ANKRD30A: variants seen among roughly 807,000 people sequenced by gnomAD.
ANKRD30A encodes the protein ankyrin repeat domain-containing protein 30A.
A neutral mutation model predicts 166.3 loss-of-function variants in ANKRD30A; 170 were observed. That is an observed-to-expected ratio of 1.02 (90% CI 0.90 to 1.16). The LOEUF (loss-of-function observed/expected upper bound fraction) is 1.16. Among genes scored for constraint, ANKRD30A ranks in the 50% most tolerant of loss-of-function variants. The pLI is 0.00. For missense variants in ANKRD30A, 1,630 were observed against 1,518.0 expected (o/e 1.07, Z -1.23); for synonymous variants, 564 against 508.9 (o/e 1.11, Z -1.46).
chr10:37,249,293 A>T, the ANKRD30A span, among the ~76,000 whole-genome samples: 5 of 152,186 alleles, frequency 3.3e-5, no homozygotes, highest in Admixed American at 6.5e-5. Context: ...TAATTCTATT[A>T]GTCCTTGTTG....
the ANKRD30A span, among the ~76,000 whole-genome samples, chr10:37,239,157 T>A: frequency 6.6e-6 from 1 of 152,138 alleles, no homozygotes; most frequent in Admixed American, 6.6e-5. Flanking sequence ...ACACATTTCA[T>A]AATTAAGTAG....
the ANKRD30A span, among the ~76,000 whole-genome samples, chr10:37,259,013 T>C: frequency 6.7e-6 from 1 of 150,168 alleles, no homozygotes; most frequent in South Asian, 2.1e-4. Context: ...AGAGAGTATC[T>C]TTATGACACT....
At chr10:37,205,694 T>A (rs1441586922) in intron 31 of ANKRD30A, among the ~76,000 whole-genome samples, 1 of 152,200 alleles carries the variant, frequency 6.6e-6, no homozygotes, top group Non-Finnish European at 1.5e-5. Context: ...TATCTATTAT[T>A]GGTGAATATA....
At chr10:37,256,745 G>A in the ANKRD30A span, among the ~76,000 whole-genome samples, 1 of 152,150 alleles carries the variant, frequency 6.6e-6, no homozygotes, top group Non-Finnish European at 1.5e-5. Flanking sequence ...TTTTAAAAAA[G>A]TATTGCATAT....
intron 6 of ANKRD30A, among the ~76,000 whole-genome samples, chr10:37,138,164 G>T (rs892414255): frequency 2.6e-5 from 4 of 152,176 alleles, no homozygotes; most frequent in South Asian, 2.1e-4. Context: ...TGCAGCTGAG[G>T]ATCCTGACTG....
At position 37,158,372 on chromosome 10, in the gene ANKRD30A, G is replaced by A. The variant is rs745426578; in HGVS notation, c.1799-20G>A. ...GTCAGGCTTGCATATAATCAATTAT[G>A]TATGTCCCTTTTCTTATAGAGTCTC... On this transcript the variant is annotated intron_variant, in intron 13 of 35. Coordinates refer to ENST00000361713, the MANE Select transcript of ANKRD30A (RefSeq NM_052997.3). The A allele has an allele frequency of 6.2e-7, 1 of 1,603,946 alleles. No homozygotes were observed. Among genetic ancestry groups the A allele is most frequent in the Non-Finnish European group, 8.5e-7 (1 of 1,172,380 alleles).
rs768697067 is a variant in ANKRD30A at position 37,125,929 on chromosome 10, C to T, written c.142C>T (p.Arg48Trp). 8 of 1,611,542 alleles carry T rather than the reference C, an allele frequency of 5.0e-6. No homozygotes were observed. The highest frequency in any genetic ancestry group is 1.7e-5 in the Admixed American group (1 of 60,020). Residue 48 changes from arginine (R) to tryptophan (W), a missense_variant, in exon 1 of 36, where the codon CGG becomes TGG. Around this residue, in one of 4 missense-constraint regions of ANKRD30A, gnomAD observed 904 missense variants for 818.5 expected, o/e 1.10. Transcript: ENST00000361713. Reference sequence around the variant, plus strand: ...TAGAAAGATCCATAAAGCTGCCTCCCGGGGACAAGTCCGGAAGCTGGAGAA... The same window carrying T: ...TAGAAAGATCCATAAAGCTGCCTCCTGGGGACAAGTCCGGAAGCTGGAGAA... ...DLRKIHKAAS[R>W]GQVRKLEKMT...
intron 8 of ANKRD30A, among the ~76,000 whole-genome samples, chr10:37,145,822 T>C (rs1249266676): frequency 3.6e-5 from 2 of 55,202 alleles, no homozygotes; most frequent in African/African-American, 6.0e-5. Context: ...TTGGAAATTA[T>C]TGACGTATCT....
At chr10:37,212,490 G>T (rs1415621088) in intron 31 of ANKRD30A, among the ~76,000 whole-genome samples, 4 of 151,986 alleles carry the variant, frequency 2.6e-5, no homozygotes, top group Non-Finnish European at 5.9e-5. Flanking sequence ...AGCTACCAAT[G>T]ACCTTCTTCA....
intron 13 of ANKRD30A, among the ~76,000 whole-genome samples, chr10:37,155,833 G>T (rs1190541734): frequency 6.6e-6 from 1 of 152,056 alleles, no homozygotes; most frequent in Non-Finnish European, 1.5e-5. Context: ...TGTAATTCCA[G>T]CACTTTGGGA....
At chr10:37,243,302 T>A in the ANKRD30A span, among the ~76,000 whole-genome samples, 10,393 of 147,890 alleles carry the variant, frequency 0.07, 471 homozygotes, top group Middle Eastern at 0.12. Context: ...GCCCACCTTT[T>A]TTTTTTTTTT....
At chr10:37,201,125 C>A in intron 30 of ANKRD30A, 110 bp from the exon 31 acceptor site, 3 of 824,688 alleles carry the variant, frequency 3.6e-6, no homozygotes, top group South Asian at 1.8e-5. Flanking sequence ...AGTTGAATTG[C>A]TTGCAAAATA....
intron 27 of ANKRD30A, among the ~76,000 whole-genome samples, chr10:37,196,858 G>A (rs984834200): frequency 2.0e-5 from 3 of 152,184 alleles, no homozygotes; most frequent in African/African-American, 7.2e-5. Flanking sequence ...GTGACGAGAT[G>A]TCAGTTGTAC....
Position 37,130,272 on chromosome 10 carries a change from T to C in ANKRD30A, c.404T>C (p.Val135Ala), listed in dbSNP as rs1169204231. 1 of 1,605,022 alleles carries C rather than the reference T, an allele frequency of 6.2e-7. No individual in the cohort carries two copies. The highest frequency in any genetic ancestry group is 1.7e-5 in the Admixed American group (1 of 58,268). ...GATTCTGGTGCCGATATAAATCTCG[T>C]AGATGTGTATGGCAACACGGCTCTC... is the stretch of plus-strand genomic sequence containing the variant. ...LIDSGADINL[V>A]DVYGNTALHY... Residue 135 changes from valine (V) to alanine (A), a missense_variant, in exon 3 of 36, where the codon GTA becomes GCA. Val to Ala is a moderately conservative substitution (Grantham distance 64). Transcript: ENST00000361713.
chr10:37,252,703 G>T, the ANKRD30A span, among the ~76,000 whole-genome samples: 5 of 149,602 alleles, frequency 3.3e-5, no homozygotes, highest in Admixed American at 2.0e-4. Context: ...TTTACTAACT[G>T]TGTGACCTTG....
At chr10:37,147,871 G>A (rs113428553) in intron 9 of ANKRD30A, among the ~76,000 whole-genome samples, 629 of 124,990 alleles carry the variant, frequency 5.0e-3, no homozygotes, top group South Asian at 7.5e-3. Context: ...AATATAAAAT[G>A]ATCTTCCAGT....
intron 29 of ANKRD30A, 84 bp from the exon 30 acceptor site, chr10:37,199,643 G>A: frequency 3.4e-6 from 3 of 872,680 alleles, no homozygotes; most frequent in East Asian, 2.9e-5. Flanking sequence ...ACAGATTCGT[G>A]AATGAAAGTA....
chr10:37,141,524 G>T (rs145442529), intron 6 of ANKRD30A, among the ~76,000 whole-genome samples, 194 bp from the exon 7 acceptor site: 34 of 132,714 alleles, frequency 2.6e-4, no homozygotes, highest in Non-Finnish European at 2.9e-4. Context: ...ATTGAGCTGA[G>T]ATCACACCAC....
In ANKRD30A at chr10:37,125,960, CAA is replaced by C. The variant is rs749726132; in HGVS notation, c.175_176del (p.Lys59GlufsTer8). The C allele has an allele frequency of 6.2e-7, 1 of 1,607,976 alleles. No individual in the cohort carries two copies. Among genetic ancestry groups the C allele is most frequent in the Non-Finnish European group, 8.5e-7 (1 of 1,177,592 alleles). ...CAAGTCCGGAAGCTGGAGAAGATGACAAAGAGGAAGAAGACCATCAACCTTAA... is the reference window on the plus strand; with the variant it reads ...CAAGTCCGGAAGCTGGAGAAGATGACAGAGGAAGAAGACCATCAACCTTAA... On this transcript the variant is annotated frameshift_variant, in exon 1 of 36. Transcript: ENST00000361713. LOFTEE classifies it high-confidence loss of function.
Sources: allele counts gnomAD v4.1 joint callset (sites outside exome capture counted in the v4.1 genomes callset), GRCh38; gene constraint gnomAD v4.1.1; regional missense constraint gnomAD v4.1.1; transcripts MANE v1.5; gene names NCBI Gene and HGNC (gene_info 2026-07-23, HGNC 2026-07-21).